TLE3: variants seen among roughly 807,000 people sequenced by gnomAD.
The protein encoded by TLE3 is TLE family member 3, transcriptional corepressor, also known as transducin-like enhancer protein 3.
Under a neutral mutation model 93.0 loss-of-function variants are expected in TLE3, and 14 were observed. That is an observed-to-expected ratio of 0.15 (90% CI 0.10 to 0.24). The LOEUF is 0.24. TLE3 is among the 10% of genes least tolerant of loss of function. TLE3 has a pLI of 1.00. For synonymous variants in TLE3, 451 were observed against 425.0 expected, an observed-to-expected ratio of 1.06 and a Z score of -0.75; for missense variants, 693 against 1,046.6, an observed-to-expected ratio of 0.66 and a Z score of 4.66.
chr15:70,052,268 G>T, intron 18 of TLE3, 106 bp downstream of exon 18: 3 of 1,445,274 alleles, frequency 2.1e-6, no homozygotes, highest in Non-Finnish European at 2.8e-6. Flanking sequence ...TGGTTCCAGG[G>T]CCTAGCTTAT....
chr15:70,061,763 A>T (rs1392570994), intron 8 of TLE3, among the ~76,000 whole-genome samples: 2 of 152,226 alleles, frequency 1.3e-5, no homozygotes, highest in East Asian at 3.8e-4. Context: ...GCTGCAGGCC[A>T]GGAGTGGCAG....
intron 7 of TLE3, among the ~76,000 whole-genome samples, chr15:70,065,601 G>A (rs914798029): frequency 1.3e-5 from 2 of 152,210 alleles, no homozygotes; most frequent in African/African-American, 2.4e-5. Flanking sequence ...TTTTCCAGGG[G>A]TAGGATGTAA....
At chr15:70,096,374 G>A in intron 1 of TLE3, 113 bp from the exon 2 acceptor site, 1 of 1,485,598 alleles carries the variant, frequency 6.7e-7, no homozygotes. Context: ...CCTCAGCCCA[G>A]AACCTTCCCA....
chr15:70,089,532 G>A (rs1266960009), intron 4 of TLE3, among the ~76,000 whole-genome samples: 1 of 152,020 alleles, frequency 6.6e-6, no homozygotes, highest in Non-Finnish European at 1.5e-5. Flanking sequence ...TACTCACAGG[G>A]CTCAGGGAAT....
intron 1 of TLE3, 91 bp from the exon 2 acceptor site, chr15:70,096,352 A>G (rs1381916803): frequency 1.3e-6 from 2 of 1,514,990 alleles, no homozygotes; most frequent in Non-Finnish European, 1.8e-6. Context: ...GCGCCCAACC[A>G]AAAGAGGCCA....
At position 70,060,786 on chromosome 15, in the gene TLE3, C is replaced by T. The variant is rs556963608; in HGVS notation, c.595-137G>A. 9.3e-5 allele frequency: 136 copies of T among 1,465,262 alleles called. No individual in the cohort carries two copies. In the East Asian group the frequency reaches 1.6e-3, roughly 17 times the overall value. 90.8% of individuals were successfully genotyped at this position (1,465,262 alleles called of 1,614,324 possible). A position where few individuals can be genotyped will look rare whatever the true frequency, so the allele number is the denominator to read the frequency against. On this transcript the variant is annotated intron_variant, in intron 8 of 19. Transcript: ENST00000451782. ...CTGAACTCCTCTCTGCCCTGCAGAT[C>T]GTGGCTCCATCAGAGCCTTGCCAGG... is the stretch of plus-strand genomic sequence containing the variant.
intron 10 of TLE3, 61 bp downstream of exon 10, chr15:70,059,349 G>T: frequency 6.4e-7 from 1 of 1,550,642 alleles, no homozygotes; most frequent in East Asian, 2.4e-5. Flanking sequence ...CCCACCCTGG[G>T]GAGGAATAAT....
chr15:70,076,363 G>C (rs569409848), intron 4 of TLE3, among the ~76,000 whole-genome samples: 1 of 152,336 alleles, frequency 6.6e-6, no homozygotes, highest in African/African-American at 2.4e-5. Context: ...CTTGCAGCCA[G>C]GCTGCCTACA....
intron 4 of TLE3, among the ~76,000 whole-genome samples, chr15:70,081,613 GTTGCA>G (rs2057782542): frequency 6.6e-6 from 1 of 152,260 alleles, no homozygotes; most frequent in South Asian, 2.1e-4. Context: ...TCTCCAAGTT[GTTGCA>G]TTCAGCGGGA....
At chr15:70,096,552 T>A in intron 1 of TLE3, 2 of 1,432,316 alleles carry the variant, frequency 1.4e-6, no homozygotes, top group East Asian at 2.5e-5. Context: ...GGGGACCGCG[T>A]GAACAGCTCC....
chr15:70,086,377 C>T (rs142290082), intron 4 of TLE3, among the ~76,000 whole-genome samples: 1,888 of 152,292 alleles, frequency 0.012, 17 homozygotes, highest in South Asian at 0.062. Flanking sequence ...AAAGACCTGT[C>T]GAGGGCTAGC....
chr15:70,053,469 T>C lies in TLE3; in HGVS notation c.1827-95A>G, dbSNP rs569866263. 89 of 1,431,722 alleles carry C rather than the reference T, an allele frequency of 6.2e-5. No homozygotes were observed. In the South Asian group the frequency reaches 1.1e-3, roughly 18 times the overall value. 88.7% of individuals were successfully genotyped at this position (1,431,722 alleles called of 1,614,324 possible). On this transcript the variant is annotated intron_variant, in intron 16 of 19. Transcript: ENST00000451782. ...GGGCAGTCTGAGCAGAAGAGAAAAC[T>C]GAGGCCCAGAAGAGTGCACTATGCG...
intron 4 of TLE3, among the ~76,000 whole-genome samples, chr15:70,080,663 TCTC>T (rs2057730000): frequency 6.6e-6 from 1 of 152,180 alleles, no homozygotes; most frequent in South Asian, 2.1e-4. Flanking sequence ...TGCATGATCA[TCTC>T]CTCATTAAAG....
In TLE3 at chr15:70,086,492, C is replaced by A. The variant is rs184459702; in HGVS notation, c.234+8040G>T. Among the ~76,000 whole-genome samples, 15 of 152,240 alleles carry A rather than the reference C, an allele frequency of 9.9e-5. No homozygotes were observed. The East Asian group carries it at 2.9e-3, about 29-fold the overall frequency. On this transcript the variant is annotated intron_variant, in intron 4 of 19. Coordinates refer to ENST00000451782, the MANE Select transcript of TLE3 (RefSeq NM_001105192.3). ...CTAAACCTCAAGTCTTCATGGCTGA[C>A]CAGGAAGGGAGAGCCCTCTCCTGTA...
chr15:70,079,611 G>A, intron 4 of TLE3: 1 of 345,988 alleles, frequency 2.9e-6, no homozygotes, highest in Non-Finnish European at 5.7e-6. Context: ...AGAATGGGCT[G>A]CGTGCACTCT....
rs754317116 is a variant in TLE3 at position 70,056,422 on chromosome 15, C to T, written c.1252-48G>A. ...CCTCCATCAGCCGTGCTGCCACACA[C>T]CCCCACCCCTGCCTCCTCCACCACC... On this transcript the variant is annotated intron_variant, in intron 13 of 19. Coordinates refer to ENST00000451782, the MANE Select transcript of TLE3 (RefSeq NM_001105192.3). 4 of 1,561,636 alleles carry T rather than the reference C, an allele frequency of 2.6e-6. No individual in the cohort carries two copies. The African/African-American group carries it at 5.4e-5, about 21-fold the overall frequency.
chr15:70,076,057 T>C (rs746944247), intron 5 of TLE3, 39 bp downstream of exon 5: 2 of 1,603,758 alleles, frequency 1.2e-6, no homozygotes, highest in Non-Finnish European at 1.7e-6. Context: ...CTGGGCTGAT[T>C]TGGAAAGAAA....
Position 70,058,819 on chromosome 15 carries a change from A to C in TLE3, c.766-4T>G, listed in dbSNP as rs767921770. ...TGACCCGGGGCGTTGCGGGGTCCTG[A>C]AAACACAAGTGATGCAGAGATGCAC... is the stretch of plus-strand genomic sequence containing the variant. On this transcript the variant is annotated splice_region_variant and splice_polypyrimidine_tract_variant and intron_variant, in intron 10 of 19. Coordinates refer to ENST00000451782, the MANE Select transcript of TLE3 (RefSeq NM_001105192.3). This position sits in a 1 kb window ranked among gnomAD's most constrained non-coding sequence, Gnocchi z 4.1. The C allele has an allele frequency of 8.9e-6, 14 of 1,568,230 alleles. No individual in the cohort carries two copies. Among genetic ancestry groups the C allele is most frequent in the Non-Finnish European group, 1.2e-5 (14 of 1,160,194 alleles).
chr15:70,074,779 CTT>C (rs769990417), intron 5 of TLE3, among the ~76,000 whole-genome samples, 172 bp from the exon 6 acceptor site: 10 of 152,334 alleles, frequency 6.6e-5, no homozygotes, highest in Admixed American at 1.3e-4. Context: ...TTTACTTTCT[CTT>C]TTAGACCTTT....
Sources: allele counts gnomAD v4.1 joint callset (sites outside exome capture counted in the v4.1 genomes callset), GRCh38; gene constraint gnomAD v4.1.1; non-coding constraint Gnocchi (gnomAD v3.1); transcripts MANE v1.5; gene names NCBI Gene and HGNC (gene_info 2026-07-23, HGNC 2026-07-21).